The following IGF1R variants were observed in gnomAD, a reference collection of about 807,000 sequenced individuals.
IGF1R encodes insulin like growth factor 1 receptor.
IGF1R carries 44 observed loss-of-function variants against 144.6 expected under a neutral mutation model. The observed-to-expected ratio is 0.30, with a 90% CI of 0.24 to 0.39. The LOEUF (loss-of-function observed/expected upper bound fraction) is 0.39. Among genes scored for constraint, IGF1R ranks in the 10% least tolerant of loss-of-function variants. The pLI is 1.00. For missense variants in IGF1R, 1,355 were observed against 1,833.7 expected (o/e 0.74, Z 4.77); for synonymous variants, 795 against 722.8 (o/e 1.10, Z -1.60).
intron 2 of IGF1R, among the ~76,000 whole-genome samples, chr15:98,888,870 C>G (rs932896995): frequency 1.3e-5 from 2 of 152,224 alleles, no homozygotes; most frequent in African/African-American, 4.8e-5. Flanking sequence ...GCCCCACTCT[C>G]ATAAGGGACT....
chr15:98,832,335 G>T (rs1294658539), intron 2 of IGF1R, among the ~76,000 whole-genome samples: 1 of 152,138 alleles, frequency 6.6e-6, no homozygotes, highest in Non-Finnish European at 1.5e-5. Flanking sequence ...AATCACAAGT[G>T]CCTTATTCCC....
chr15:98,868,647 C>G (rs1026929712), intron 2 of IGF1R, among the ~76,000 whole-genome samples: 1 of 152,178 alleles, frequency 6.6e-6, no homozygotes, highest in African/African-American at 2.4e-5. Context: ...CTGCCTTCTT[C>G]AAGCTGTGTG....
At chr15:98,706,175 A>T (rs1037830512) in intron 1 of IGF1R, among the ~76,000 whole-genome samples, 4 of 152,316 alleles carry the variant, frequency 2.6e-5, no homozygotes, top group African/African-American at 9.6e-5. Context: ...CATGGGTCTT[A>T]GCTCTTTGCC....
intron 10 of IGF1R, among the ~76,000 whole-genome samples, chr15:98,918,082 T>G (rs1382241062): frequency 1.3e-5 from 2 of 152,192 alleles, no homozygotes; most frequent in Admixed American, 1.3e-4. Flanking sequence ...AAAAAAGGAT[T>G]AGCCCAGTAG....
At chr15:98,893,764 C>T (rs1460366380) in intron 3 of IGF1R, among the ~76,000 whole-genome samples, 1 of 152,198 alleles carries the variant, frequency 6.6e-6, no homozygotes, top group African/African-American at 2.4e-5. Flanking sequence ...CTAGTGCACT[C>T]TTCAGAGAAT....
intron 10 of IGF1R, among the ~76,000 whole-genome samples, chr15:98,917,727 G>A (rs987480994): frequency 7.9e-5 from 12 of 152,206 alleles, no homozygotes; most frequent in African/African-American, 2.7e-4. Context: ...AACAAGGCCA[G>A]ACACAAAAGG....
intron 2 of IGF1R, among the ~76,000 whole-genome samples, chr15:98,868,682 C>T (rs116991589): frequency 0.027 from 4,099 of 152,284 alleles, 95 homozygotes; most frequent in Middle Eastern, 0.044. Context: ...CACACACTCT[C>T]TCTTTGTGCC....
chr15:98,789,053 C>T (rs994845661), intron 2 of IGF1R, among the ~76,000 whole-genome samples: 2 of 152,166 alleles, frequency 1.3e-5, no homozygotes, highest in African/African-American at 4.8e-5. Context: ...AAAAAGCACA[C>T]GTAGGCTTAT....
chr15:98,945,917 C>T (rs939670800), intron 19 of IGF1R, among the ~76,000 whole-genome samples: 14 of 151,846 alleles, frequency 9.2e-5, no homozygotes, highest in Non-Finnish European at 1.5e-4. Context: ...CCTCGACAAG[C>T]GTTTGTGGAG....
intron 2 of IGF1R, among the ~76,000 whole-genome samples, chr15:98,743,701 G>C (rs980319572): frequency 6.6e-6 from 1 of 152,194 alleles, no homozygotes; most frequent in Admixed American, 6.5e-5. Context: ...TTAAACAGAG[G>C]TGGGGTATGT....
Position 98,957,310 on chromosome 15 carries a change from G to A in IGF1R, c.3972G>A (p.Lys1324=). 6.2e-7 allele frequency: 1 copy of A among 1,612,838 alleles called. No individual in the cohort carries two copies. The highest frequency in any genetic ancestry group is 8.5e-7 in the Non-Finnish European group (1 of 1,179,142). The change falls in exon 21 of 21, where the codon AAG becomes AAA. Residue 1324 remains lysine, a synonymous_variant. Coordinates refer to ENST00000650285, the MANE Select transcript of IGF1R (RefSeq NM_000875.5). The part of the protein sequence containing the change: ...LPLPDRHSGH[K]AENGPGPGVL... ...TGCCCGACAGACACTCAGGACACAAGGCCGAGAACGGCCCCGGCCCTGGGG... is the reference window on the plus strand; with the variant it reads ...TGCCCGACAGACACTCAGGACACAAAGCCGAGAACGGCCCCGGCCCTGGGG...
intron 14 of IGF1R, among the ~76,000 whole-genome samples, chr15:98,930,014 G>A (rs1243218982): frequency 6.6e-6 from 1 of 152,182 alleles, no homozygotes; most frequent in Non-Finnish European, 1.5e-5. Context: ...CTAATCTCAG[G>A]CTACTGAGGA....
At chr15:98,762,227 TCTTTTC>T (rs2055319700) in intron 2 of IGF1R, among the ~76,000 whole-genome samples, 1 of 127,418 alleles carries the variant, frequency 7.8e-6, no homozygotes, top group African/African-American at 3.0e-5. Context: ...ATTTTTCTTT[TCTTTTC>T]TTTTCTTTTT....
At position 98,911,341 on chromosome 15, in the gene IGF1R, T is replaced by A; in HGVS notation, c.1489T>A (p.Ser497Thr). The change falls in exon 7 of 21, where the codon TCC becomes ACC. Residue 497 changes from serine (S) to threonine (T), a missense_variant. Coordinates refer to ENST00000650285, the MANE Select transcript of IGF1R (RefSeq NM_000875.5). ...TGAAAGTGACGTCCTGCATTTCACC[T>A]CCACCACCACGTCGAAGAATCGCAT... ...SCESDVLHFT[S>T]TTTSKNRIII... The A allele has an allele frequency of 1.9e-6, 3 of 1,614,104 alleles. No homozygotes were observed. Among genetic ancestry groups the A allele is most frequent in the Non-Finnish European group, 2.5e-6 (3 of 1,180,004 alleles).
intron 2 of IGF1R, among the ~76,000 whole-genome samples, chr15:98,885,342 T>G (rs2013587490): frequency 2.0e-5 from 3 of 152,230 alleles, no homozygotes; most frequent in African/African-American, 7.2e-5. Context: ...CTGTTCGGCC[T>G]GGGGCAGGAC....
intron 2 of IGF1R, among the ~76,000 whole-genome samples, chr15:98,722,401 C>T (rs1180987314): frequency 1.3e-5 from 2 of 152,158 alleles, no homozygotes; most frequent in African/African-American, 4.8e-5. Flanking sequence ...TTGCCGAACA[C>T]TGTATACAAG....
intron 5 of IGF1R, among the ~76,000 whole-genome samples, chr15:98,907,412 C>T (rs149328419): frequency 3.9e-5 from 6 of 152,358 alleles, no homozygotes; most frequent in African/African-American, 7.2e-5. Context: ...GTCCTGGCTA[C>T]GCTGGCTCTG....
At chr15:98,865,895 GA>G (rs1454789435) in intron 2 of IGF1R, among the ~76,000 whole-genome samples, 1 of 152,072 alleles carries the variant, frequency 6.6e-6, no homozygotes, top group African/African-American at 2.4e-5. Flanking sequence ...AGTGTTGATG[GA>G]AAATCTGCGG....
intron 2 of IGF1R, among the ~76,000 whole-genome samples, chr15:98,877,807 T>C (rs1285490463): frequency 1.3e-5 from 2 of 152,210 alleles, no homozygotes; most frequent in Non-Finnish European, 1.5e-5. Flanking sequence ...TATCACAGTT[T>C]CCTGGTAAAC....
Sources: gnomAD v4.1 joint callset for allele counts (sites outside exome capture counted in the v4.1 genomes callset) on GRCh38, gnomAD v4.1.1 for gene constraint, MANE v1.5 for transcripts, NCBI Gene and HGNC (gene_info 2026-07-23, HGNC 2026-07-21) for gene names.